Variants in FHIT observed in about 807,000 individuals in gnomAD.
FHIT encodes bis(5'-adenosyl)-triphosphatase.
FHIT carries 19 observed loss-of-function variants against 17.9 expected under a neutral mutation model. The observed-to-expected ratio is 1.06, with a 90% CI of 0.74 to 1.56. The LOEUF (loss-of-function observed/expected upper bound fraction) is 1.56, where lower values mean the gene tolerates loss of function less well. Ranked by LOEUF, FHIT falls within the 40% of genes most tolerant of loss-of-function variation. FHIT has a pLI of 0.00. For missense variants in FHIT, 248 were observed against 189.2 expected (o/e 1.31, Z -1.82); for synonymous variants, 81 against 69.7 (o/e 1.16, Z -0.81).
intron 4 of FHIT, among the ~76,000 whole-genome samples, chr3:60,628,916 G>A (rs1336902069): frequency 6.6e-6 from 1 of 152,118 alleles, no homozygotes; most frequent in African/African-American, 2.4e-5. Context: ...CTTGTTGGGG[G>A]TGGCAGCCTC....
At chr3:60,535,497 C>T (rs2035948958) in intron 5 of FHIT, among the ~76,000 whole-genome samples, 1 of 151,976 alleles carries the variant, frequency 6.6e-6, no homozygotes, top group Non-Finnish European at 1.5e-5. Flanking sequence ...AATGTTACTT[C>T]AAGAAATTCA....
intron 4 of FHIT, among the ~76,000 whole-genome samples, chr3:60,748,802 C>A (rs1472040235): frequency 6.6e-6 from 1 of 152,054 alleles, no homozygotes; most frequent in Non-Finnish European, 1.5e-5. Context: ...ACAGAGTGAA[C>A]TCCATCTCAA....
At chr3:61,001,305 G>A (rs6770111) in intron 3 of FHIT, among the ~76,000 whole-genome samples, 6 of 152,158 alleles carry the variant, frequency 3.9e-5, no homozygotes, top group East Asian at 3.9e-4. Flanking sequence ...TGGCACTCTC[G>A]GGCACTTGTC....
intron 2 of FHIT, among the ~76,000 whole-genome samples, chr3:61,045,613 A>T (rs768861386): frequency 2.6e-5 from 4 of 152,118 alleles, no homozygotes; most frequent in Admixed American, 6.6e-5. Context: ...ATCCAGGAAT[A>T]GAACTCAGCT....
intron 3 of FHIT, among the ~76,000 whole-genome samples, chr3:60,822,899 A>T (rs782250486): frequency 1.3e-5 from 2 of 152,058 alleles, no homozygotes; most frequent in Admixed American, 1.3e-4. Flanking sequence ...TCTGACCTCT[A>T]CCTCTGGGTT....
chr3:60,416,561 G>T (rs1373253822), intron 5 of FHIT, among the ~76,000 whole-genome samples: 1 of 152,092 alleles, frequency 6.6e-6, no homozygotes, highest in African/African-American at 2.4e-5. Flanking sequence ...TTTTATTTAT[G>T]GACACTGAAA....
At chr3:60,730,282 G>T in intron 4 of FHIT, 1 of 262,308 alleles carries the variant, frequency 3.8e-6, no homozygotes, top group South Asian at 5.5e-5. Flanking sequence ...GTTCTGGTGA[G>T]CTTCTGTTTC....
chr3:61,047,268 G>A (rs1216829234), intron 2 of FHIT, among the ~76,000 whole-genome samples: 4 of 152,252 alleles, frequency 2.6e-5, no homozygotes, highest in South Asian at 2.1e-4. Context: ...AAGCTGATAG[G>A]CAACTTCAGC....
intron 4 of FHIT, among the ~76,000 whole-genome samples, chr3:60,541,049 G>A (rs1195079408): frequency 4.6e-5 from 7 of 152,180 alleles, no homozygotes; most frequent in Non-Finnish European, 1.0e-4. Context: ...AGGTGTTTCA[G>A]AACCACTGAC....
In FHIT at chr3:60,078,248, C is replaced by G. The variant is rs530134311; in HGVS notation, c.104-64096G>C. Among the ~76,000 whole-genome samples the G allele has an allele frequency of 2.9e-4, 44 of 152,138 alleles. 1 individual carries two copies. In the South Asian group the frequency reaches 8.9e-3, roughly 31 times the overall value. On this transcript the variant is annotated intron_variant, in intron 5 of 9. Coordinates refer to ENST00000492590, the MANE Select transcript of FHIT (RefSeq NM_002012.4). ...AATAGCAATTTTCCAATGGAGAAAC[C>G]TGGTAGACACCACACCAACCAAGTG...
At chr3:60,017,684 C>T (rs1700395702) in intron 5 of FHIT, among the ~76,000 whole-genome samples, 1 of 152,184 alleles carries the variant, frequency 6.6e-6, no homozygotes, top group Non-Finnish European at 1.5e-5. Flanking sequence ...TCACCACCAG[C>T]CCAGAACTGA....
chr3:60,590,031 C>T (rs1468704605), intron 4 of FHIT, among the ~76,000 whole-genome samples: 1 of 152,048 alleles, frequency 6.6e-6, no homozygotes, highest in Non-Finnish European at 1.5e-5. Context: ...GACACATCTA[C>T]AAGACTGCTG....
intron 5 of FHIT, among the ~76,000 whole-genome samples, chr3:60,047,737 A>G (rs1046856010): frequency 1.3e-5 from 2 of 152,212 alleles, no homozygotes; most frequent in South Asian, 2.1e-4. Context: ...TCTACGAGGT[A>G]AGTACAATTA....
intron 5 of FHIT, among the ~76,000 whole-genome samples, chr3:60,398,075 T>C (rs1701519908): frequency 6.6e-6 from 1 of 151,864 alleles, no homozygotes; most frequent in African/African-American, 2.4e-5. Context: ...CTCTACTAAC[T>C]CTCCAGTGTC....
At chr3:60,377,220 T>A (rs528596622) in intron 5 of FHIT, among the ~76,000 whole-genome samples, 35 of 147,050 alleles carry the variant, frequency 2.4e-4, no homozygotes, top group East Asian at 1.4e-3. Flanking sequence ...TTTTTTTTTT[T>A]AATGGAGTTT....
rs531555662 is a variant in FHIT, at chr3:60,925,850, T to G, written c.-110-103839A>C. ...GAGACACACATAGGCTCAAAATAAA[T>G]GGATGGAAGAAGATCTACCAAGCAA... On this transcript the variant is annotated intron_variant, in intron 3 of 9. Transcript: ENST00000492590. Among the ~76,000 whole-genome samples, 141 of 152,120 alleles carry G rather than the reference T, an allele frequency of 9.3e-4. 1 individual carries two copies. The highest frequency in any genetic ancestry group is 3.2e-3 in the African/African-American group (134 of 41,492).
chr3:59,932,277 T>C (rs1706010776), intron 7 of FHIT, among the ~76,000 whole-genome samples: 1 of 152,214 alleles, frequency 6.6e-6, no homozygotes, highest in South Asian at 2.1e-4. Flanking sequence ...TTTTTTATTT[T>C]TTATTTTTTG....
intron 5 of FHIT, among the ~76,000 whole-genome samples, chr3:60,399,005 A>C (rs1053362665): frequency 6.6e-6 from 1 of 152,190 alleles, no homozygotes; most frequent in African/African-American, 2.4e-5. Context: ...TACTGTGATT[A>C]ATAGACTTTT....
chr3:59,875,857 T>C (rs1703132746), intron 8 of FHIT, among the ~76,000 whole-genome samples: 2 of 151,688 alleles, frequency 1.3e-5, no homozygotes, highest in Non-Finnish European at 2.9e-5. Flanking sequence ...GCGTCAGCCA[T>C]GAGTAACATC....
Sources: allele counts gnomAD v4.1 joint callset (sites outside exome capture counted in the v4.1 genomes callset), GRCh38; gene constraint gnomAD v4.1.1; transcripts MANE v1.5; gene names NCBI Gene and HGNC (gene_info 2026-07-23, HGNC 2026-07-21).